Variants in PBRM1 observed in about 807,000 individuals in gnomAD.
The protein encoded by PBRM1 is protein polybromo-1.
A neutral mutation model predicts 194.5 loss-of-function variants in PBRM1; 27 were observed. The ratio of observed to expected loss-of-function variants is 0.14; its 90% CI spans 0.10 to 0.19. The LOEUF is 0.19. PBRM1 is among the 10% of genes least tolerant of loss of function. The pLI is 1.00. For synonymous variants in PBRM1, 655 were observed against 693.2 expected, an observed-to-expected ratio of 0.94 and a Z score of 0.87; for missense variants, 1,466 against 2,077.2, an observed-to-expected ratio of 0.71 and a Z score of 5.72.
At chr3:52,606,258 C>A (rs1400206684) in intron 16 of PBRM1, among the ~76,000 whole-genome samples, 5 of 152,046 alleles carry the variant, frequency 3.3e-5, no homozygotes, top group Non-Finnish European at 7.4e-5. Flanking sequence ...ATCCTCCCAC[C>A]TTGGGCTCCA....
intron 6 of PBRM1, among the ~76,000 whole-genome samples, chr3:52,649,996 C>G (rs2153795238): frequency 6.6e-6 from 1 of 152,226 alleles, no homozygotes; most frequent in Middle Eastern, 3.4e-3. Context: ...AATCCTCCTA[C>G]ACAGATGTTA....
rs1196339318 is a variant in PBRM1 at position 52,586,374 on chromosome 3, A to ATAGGTGT, written c.3387+44_3387+50dup. 3 of 1,443,618 alleles carry ATAGGTGT rather than the reference A, an allele frequency of 2.1e-6. No homozygotes were observed. In the South Asian group the frequency reaches 3.8e-5, roughly 18 times the overall value. The allele number at this position is 1,443,618 out of a possible 1,614,324, so 89.4% of individuals were successfully genotyped here. A position where few individuals can be genotyped will look rare whatever the true frequency, so the allele number is the denominator to read the frequency against. On this transcript the variant is annotated intron_variant, in intron 20 of 29. Coordinates refer to ENST00000296302, the Ensembl canonical transcript of PBRM1. Reference sequence around the variant, plus strand: ...ATACTTTATTCATTTATTTTCTGGAATAGGTGTTTTGAGATGTAAAATTTT... The same window carrying ATAGGTGT: ...ATACTTTATTCATTTATTTTCTGGAATAGGTGTTAGGTGTTTTGAGATGTAAAATTTT...
rs1373550041 is a variant in PBRM1, at chr3:52,676,130, A to T, written c.236+2370T>A. Among the ~76,000 whole-genome samples, 4 of 31,808 alleles carry T rather than the reference A, an allele frequency of 1.3e-4. 1 individual carries two copies. Among genetic ancestry groups the T allele is most frequent in the Non-Finnish European group, 2.5e-4 (4 of 15,896 alleles). The allele number at this position is 31,808 out of a possible 152,430, so 20.9% of individuals were successfully genotyped here. ...ACTCCGTCTCAAAAAAAAAAAAAAA[A>T]AAAAAAAAAAAAAAAAAAAAAATAA... On this transcript the variant is annotated intron_variant, in intron 2 of 29. Transcript: ENST00000296302.
chr3:52,680,120 T>C (rs1307463892), upstream of PBRM1, among the ~76,000 whole-genome samples: 1 of 152,140 alleles, frequency 6.6e-6, no homozygotes, highest in Non-Finnish European at 1.5e-5. Flanking sequence ...GGCCCCAAGG[T>C]ATCCACCTCT....
At position 52,609,442 on chromosome 3, in the gene PBRM1, T is replaced by C. The variant is rs768403462; in HGVS notation, c.2438A>G (p.Asn813Ser). Residue 813 changes from asparagine (N) to serine (S), a missense_variant, in exon 16 of 30, where the codon AAC (asparagine) becomes AGC (serine). Around this residue, in one of 5 missense-constraint regions of PBRM1, gnomAD observed 687 missense variants for 946.2 expected, o/e 0.73. Transcript: ENST00000296302. This position sits in a 1 kb window ranked among gnomAD's most constrained non-coding sequence, Gnocchi z 4.1. The stretch of plus-strand genomic sequence containing the variant: ...TGTAAGGGGTGGTTTGTTAGGAAAG[T>C]TGGGATCCACAGCAGGAATTTCTGC... 59 of 1,613,980 alleles carry C rather than the reference T, an allele frequency of 3.7e-5. No homozygotes were observed. The highest frequency in any genetic ancestry group is 6.7e-5 in the East Asian group (3 of 44,896).
At chr3:52,610,860 A>G (rs1576674865) in intron 15 of PBRM1, among the ~76,000 whole-genome samples, 1 of 152,176 alleles carries the variant, frequency 6.6e-6, no homozygotes, top group Admixed American at 6.6e-5. Context: ...AATTGCTTGA[A>G]CCCAGGAGGT....
At chr3:52,680,651 TTTTCTTTC>T (rs536552711), upstream of PBRM1, among the ~76,000 whole-genome samples, 24 of 151,938 alleles carry the variant, frequency 1.6e-4, no homozygotes, top group African/African-American at 5.8e-4. Flanking sequence ...TGAAAGGCCT[TTTTCTTTC>T]TTTCTTTCTT....
rs115638596 is a variant in PBRM1 at position 52,610,413 on chromosome 3, C to T, written c.1925-458G>A. 3.7e-4 allele frequency among the ~76,000 whole-genome samples: 56 copies of T among 152,312 alleles called. 2 individuals are homozygous for T. The highest frequency in any genetic ancestry group is 1.3e-3 in the African/African-American group (56 of 41,570). On this transcript the variant is annotated intron_variant, in intron 15 of 29. Coordinates refer to ENST00000296302, the Ensembl canonical transcript of PBRM1. ...AAACAAACACACAAATTTCCTAGCT[C>T]TGTCCACTGAAAATCGTACAAACAA...
At chr3:52,627,002 G>GAA (rs59857445) in intron 13 of PBRM1, among the ~76,000 whole-genome samples, 98 of 144,940 alleles carry the variant, frequency 6.8e-4, no homozygotes, top group African/African-American at 1.7e-3. Context: ...CACATTAAAA[G>GAA]AAAAAAAAAA....
chr3:52,554,952 C>T (rs2081917443), intron 26 of PBRM1, 73 bp from the exon 29 acceptor site: 2 of 1,203,210 alleles, frequency 1.7e-6, no homozygotes, highest in East Asian at 4.8e-5. Context: ...CAACCAACCC[C>T]CACATGCACT....
intron 16 of PBRM1, among the ~76,000 whole-genome samples, chr3:52,605,384 G>C (rs2153374085): frequency 6.6e-6 from 1 of 152,214 alleles, no homozygotes; most frequent in East Asian, 1.9e-4. Flanking sequence ...GAATACCAGA[G>C]TCTAAAAACT....
chr3:52,637,702 C>T (rs970853258), intron 10 of PBRM1, among the ~76,000 whole-genome samples: 2 of 142,466 alleles, frequency 1.4e-5, no homozygotes, highest in Non-Finnish European at 3.0e-5. Context: ...CTGAGGCGGG[C>T]GGATCATTTG....
At position 52,594,843 on chromosome 3, in the gene PBRM1, G is replaced by A. The variant is rs191831168; in HGVS notation, c.2780-5588C>T. On this transcript the variant is annotated intron_variant, in intron 17 of 29. Transcript: ENST00000296302. ...TTTGCTTATGAAGCTTGGTTTGGCC[G>A]GACAGAAATTACTGGTTGGAATTTC... Among the ~76,000 whole-genome samples the A allele has an allele frequency of 1.4e-4, 22 of 152,224 alleles. No individual in the cohort carries two copies. The South Asian group carries it at 1.9e-3, about 13-fold the overall frequency.
intron 22 of PBRM1, among the ~76,000 whole-genome samples, chr3:52,569,055 T>C (rs1261605413): frequency 1.3e-5 from 2 of 151,978 alleles, no homozygotes; most frequent in Non-Finnish European, 2.9e-5. Context: ...ACTCAGCTAA[T>C]TTCTGTACTT....
intron 17 of PBRM1, among the ~76,000 whole-genome samples, chr3:52,593,436 CA>C (rs1291091103): frequency 6.6e-6 from 1 of 152,110 alleles, no homozygotes; most frequent in Non-Finnish European, 1.5e-5. Flanking sequence ...GAGGTTTTGC[CA>C]TGTTGGCTAG....
intron 13 of PBRM1, among the ~76,000 whole-genome samples, chr3:52,626,149 G>A (rs527830369): frequency 1.8e-4 from 28 of 152,278 alleles, no homozygotes; most frequent in Admixed American, 7.9e-4. Context: ...TACACTCAAA[G>A]TTGTTCTTGT....
At chr3:52,586,747 T>TAAAAAAAAA in intron 19 of PBRM1, 59 bp from the exon 22 acceptor site, 4 of 145,048 alleles carry the variant, frequency 2.8e-5, no homozygotes, top group Non-Finnish European at 2.1e-5. Context: ...TGAAAATCAA[T>TAAAAAAAAA]CAAAAAAAAA....
At chr3:52,680,452 G>A (rs141982879), upstream of PBRM1, among the ~76,000 whole-genome samples, 1 of 152,208 alleles carries the variant, frequency 6.6e-6, no homozygotes, top group East Asian at 1.9e-4. Context: ...TCACCTTTTA[G>A]TGATATGACA....
chr3:52,661,197 G>A (rs936614122), intron 4 of PBRM1, among the ~76,000 whole-genome samples: 2 of 152,028 alleles, frequency 1.3e-5, no homozygotes, highest in Admixed American at 6.5e-5. Flanking sequence ...GCTAATTTTT[G>A]TATTTTTGGT....
Sources: gnomAD v4.1 joint callset for allele counts (sites outside exome capture counted in the v4.1 genomes callset) on GRCh38, gnomAD v4.1.1 for gene constraint, gnomAD v4.1.1 regional missense constraint, Gnocchi (gnomAD v3.1) non-coding constraint, MANE v1.5 for transcripts, NCBI Gene and HGNC (gene_info 2026-07-23, HGNC 2026-07-21) for gene names.